The following PDE4D variants were observed in gnomAD, a reference collection of about 807,000 sequenced individuals.
PDE4D encodes 3',5'-cyclic-AMP phosphodiesterase 4D.
Under a neutral mutation model 87.4 loss-of-function variants are expected in PDE4D, and 24 were observed. The observed-to-expected ratio is 0.27, with a 90% CI of 0.20 to 0.39. The LOEUF is 0.39. Among genes scored for constraint, PDE4D ranks in the 10% least tolerant of loss-of-function variants. The pLI, the probability that PDE4D is intolerant of heterozygous loss-of-function variation, is 1.00. For missense variants in PDE4D, 714 were observed against 1,041.0 expected, an observed-to-expected ratio of 0.69 and a Z score of 4.32; for synonymous variants, 384 against 383.2, an observed-to-expected ratio of 1.00 and a Z score of -0.02.
chr5:59,104,059 T>A (rs1771181524), intron 5 of PDE4D, among the ~76,000 whole-genome samples: 1 of 152,210 alleles, frequency 6.6e-6, no homozygotes, highest in African/African-American at 2.4e-5. Context: ...ACCTCAAAAA[T>A]GTTAGCTGAA....
intron 1 of PDE4D, among the ~76,000 whole-genome samples, chr5:59,873,323 T>G (rs1335676590): frequency 6.6e-6 from 1 of 152,206 alleles, no homozygotes; most frequent in Non-Finnish European, 1.5e-5. Flanking sequence ...GGTAGTCACA[T>G]GGAATCAGCC....
chr5:59,622,158 C>T (rs1830416287), intron 1 of PDE4D, among the ~76,000 whole-genome samples: 3 of 152,062 alleles, frequency 2.0e-5, no homozygotes, highest in African/African-American at 7.2e-5. Flanking sequence ...CTTTCCGCTA[C>T]ACTATTTTCT....
At chr5:60,164,652 C>A (rs1231684741) in intron 2 of PDE4D, among the ~76,000 whole-genome samples, 1 of 152,076 alleles carries the variant, frequency 6.6e-6, no homozygotes, top group African/African-American at 2.4e-5. Context: ...AATGATATAG[C>A]CAACATGGAA....
intron 1 of PDE4D, among the ~76,000 whole-genome samples, chr5:59,392,324 C>T (rs1476506655): frequency 7.9e-6 from 1 of 126,598 alleles, no homozygotes; most frequent in Non-Finnish European, 1.7e-5. Flanking sequence ...GCCTCCCAGC[C>T]TACATCTTTC....
At chr5:59,095,691 T>A (rs59490646) in intron 5 of PDE4D, among the ~76,000 whole-genome samples, 1 of 152,174 alleles carries the variant, frequency 6.6e-6, no homozygotes, top group Non-Finnish European at 1.5e-5. Context: ...ACCAGGACTT[T>A]ACTTGCACAA....
chr5:60,095,488 G>A (rs1363615761), intron 2 of PDE4D, among the ~76,000 whole-genome samples: 1 of 152,100 alleles, frequency 6.6e-6, no homozygotes, highest in African/African-American at 2.4e-5. Flanking sequence ...CTTTGCTATT[G>A]TGAAAAGTGC....
At chr5:59,413,755 C>T (rs16889805) in intron 1 of PDE4D, among the ~76,000 whole-genome samples, 25,594 of 152,064 alleles carry the variant, frequency 0.17, 2,891 homozygotes, top group African/African-American at 0.31. Context: ...AAGAGTTGGA[C>T]TGATTTGGGA....
At chr5:60,106,652 A>C (rs1319572622) in intron 2 of PDE4D, among the ~76,000 whole-genome samples, 1 of 152,086 alleles carries the variant, frequency 6.6e-6, no homozygotes, top group Non-Finnish European at 1.5e-5. Context: ...AATTATAACA[A>C]ACTGTCTCTC....
intron 5 of PDE4D, among the ~76,000 whole-genome samples, chr5:59,170,598 C>T (rs1012482766): frequency 6.6e-6 from 1 of 152,130 alleles, no homozygotes; most frequent in Non-Finnish European, 1.5e-5. Flanking sequence ...AACTACTGGT[C>T]AACAACTAAA....
At chr5:60,363,487 A>G (rs1324499672) in intron 1 of PDE4D, among the ~76,000 whole-genome samples, 1 of 152,194 alleles carries the variant, frequency 6.6e-6, no homozygotes, top group Non-Finnish European at 1.5e-5. Context: ...ACTTTTGAGC[A>G]CTCACTTCAT....
At chr5:59,250,081 C>G (rs933408527) in intron 1 of PDE4D, among the ~76,000 whole-genome samples, 2 of 151,958 alleles carry the variant, frequency 1.3e-5, no homozygotes, top group Non-Finnish European at 2.9e-5. Flanking sequence ...AGGCTTCAAG[C>G]AGTCCTCTCA....
chr5:59,533,717 G>A (rs541439063), intron 1 of PDE4D, among the ~76,000 whole-genome samples: 1 of 152,286 alleles, frequency 6.6e-6, no homozygotes, highest in South Asian at 2.1e-4. Flanking sequence ...CAAAAAATTG[G>A]AGGCTGTACC....
chr5:60,498,194 ACAC>A (rs930453891), intron 1 of PDE4D, among the ~76,000 whole-genome samples: 3 of 151,760 alleles, frequency 2.0e-5, no homozygotes, highest in Non-Finnish European at 4.4e-5. Context: ...ACACACACAC[ACAC>A]AATTTTCCAT....
chr5:59,548,824 C>T (rs1817676662), intron 1 of PDE4D, among the ~76,000 whole-genome samples: 1 of 152,124 alleles, frequency 6.6e-6, no homozygotes, highest in South Asian at 2.1e-4. Context: ...ATTTTCCTTA[C>T]AGGAGTTCAC....
intron 1 of PDE4D, among the ~76,000 whole-genome samples, chr5:59,445,381 C>T (rs1005912691): frequency 3.9e-5 from 6 of 152,158 alleles, no homozygotes; most frequent in Non-Finnish European, 7.3e-5. Flanking sequence ...GTTCATCTGG[C>T]TTATGGTGAC....
intron 1 of PDE4D, among the ~76,000 whole-genome samples, chr5:59,559,886 A>G (rs1464665908): frequency 6.6e-6 from 1 of 152,238 alleles, no homozygotes; most frequent in Non-Finnish European, 1.5e-5. Flanking sequence ...TCCAAAGCAC[A>G]TGGAAATAAT....
intron 1 of PDE4D, among the ~76,000 whole-genome samples, chr5:59,758,947 G>T (rs986245183): frequency 6.6e-6 from 1 of 151,934 alleles, no homozygotes. Flanking sequence ...AAGTCAAAAA[G>T]GTTGAATAAC....
intron 1 of PDE4D, among the ~76,000 whole-genome samples, chr5:59,530,211 G>T (rs1294805722): frequency 6.6e-6 from 1 of 152,008 alleles, no homozygotes; most frequent in African/African-American, 2.4e-5. Flanking sequence ...CACTTCTATT[G>T]ACACAGATCA....
intron 1 of PDE4D, among the ~76,000 whole-genome samples, chr5:60,205,147 G>T (rs1205986567): frequency 1.3e-5 from 2 of 152,132 alleles, no homozygotes; most frequent in Non-Finnish European, 2.9e-5. Flanking sequence ...TCAAAGGCTA[G>T]GTCCGCTGTC....
Sources: allele counts gnomAD v4.1 joint callset (sites outside exome capture counted in the v4.1 genomes callset), GRCh38; gene constraint gnomAD v4.1.1; transcripts MANE v1.5; gene names NCBI Gene and HGNC (gene_info 2026-07-23, HGNC 2026-07-21).